ERC2: variants seen among roughly 807,000 people sequenced by gnomAD.
ERC2 encodes the protein ERC protein 2.
In ERC2, 42 loss-of-function variants were observed where a neutral mutation model predicts 114.8. The ratio of observed to expected loss-of-function variants is 0.37; its 90% CI spans 0.29 to 0.47. The LOEUF (loss-of-function observed/expected upper bound fraction) is 0.47, where lower values mean the gene tolerates loss of function less well. Among genes scored for constraint, ERC2 ranks in the 20% least tolerant of loss-of-function variants. The probability of loss-of-function intolerance (pLI) is 0.99; values close to 1 mark genes in which losing one functional copy is unlikely to be tolerated. For missense variants in ERC2, 939 were observed against 1,150.7 expected (o/e 0.82, Z 2.66); for synonymous variants, 454 against 425.5 (o/e 1.07, Z -0.82).
chr3:56,431,911 A>G (rs562917523), intron 2 of ERC2, among the ~76,000 whole-genome samples: 18 of 152,322 alleles, frequency 1.2e-4, no homozygotes, highest in African/African-American at 3.8e-4. Context: ...TCCTGTGATC[A>G]CAGTAAGACC....
chr3:56,138,814 T>C (rs1051226459), intron 6 of ERC2, among the ~76,000 whole-genome samples: 3 of 152,214 alleles, frequency 2.0e-5, no homozygotes, highest in African/African-American at 7.2e-5. Flanking sequence ...TTTGCATTTC[T>C]TAGCAGACCC....
intron 2 of ERC2, among the ~76,000 whole-genome samples, chr3:56,307,006 C>T (rs996217423): frequency 9.9e-5 from 15 of 152,238 alleles, no homozygotes; most frequent in African/African-American, 3.4e-4. Flanking sequence ...CAGCCATCCT[C>T]CTTCACCCTG....
At chr3:56,292,394 A>G (rs1015411617) in intron 3 of ERC2, among the ~76,000 whole-genome samples, 8 of 150,522 alleles carry the variant, frequency 5.3e-5, no homozygotes, top group Non-Finnish European at 1.0e-4. Context: ...CCTGGGCAAC[A>G]TGGTGAAACC....
intron 2 of ERC2, among the ~76,000 whole-genome samples, chr3:56,307,132 G>A (rs546350002): frequency 3.3e-5 from 5 of 152,320 alleles, no homozygotes; most frequent in African/African-American, 9.6e-5. Flanking sequence ...CCAAGGGCAG[G>A]GGGTGTAGGA....
intron 14 of ERC2, among the ~76,000 whole-genome samples, chr3:55,871,518 C>A (rs2062582405): frequency 6.6e-6 from 1 of 151,826 alleles, no homozygotes; most frequent in African/African-American, 2.4e-5. Flanking sequence ...ATAATGTGAC[C>A]AATGATCAGT....
At chr3:55,855,854 G>T (rs1419772936) in intron 14 of ERC2, among the ~76,000 whole-genome samples, 1 of 152,162 alleles carries the variant, frequency 6.6e-6, no homozygotes, top group Non-Finnish European at 1.5e-5. Context: ...CAAAAATTCT[G>T]CAGTAATTTA....
chr3:56,137,762 C>G (rs902015478), intron 6 of ERC2, among the ~76,000 whole-genome samples: 1 of 152,204 alleles, frequency 6.6e-6, no homozygotes, highest in Non-Finnish European at 1.5e-5. Flanking sequence ...GCTGTGCTGT[C>G]TAATACAGCA....
At chr3:56,400,189 T>C (rs2060469243) in intron 2 of ERC2, among the ~76,000 whole-genome samples, 1 of 152,088 alleles carries the variant, frequency 6.6e-6, no homozygotes, top group Admixed American at 6.6e-5. Context: ...ACTAAAACAT[T>C]TATGGAGGAA....
intron 6 of ERC2, among the ~76,000 whole-genome samples, chr3:56,097,468 TG>T (rs2078124579): frequency 6.6e-6 from 1 of 152,196 alleles, no homozygotes; most frequent in South Asian, 2.1e-4. Context: ...TGTTTCATCC[TG>T]CGAATTTTCT....
At chr3:55,533,680 G>C (rs545553280) in intron 17 of ERC2, among the ~76,000 whole-genome samples, 7 of 152,300 alleles carry the variant, frequency 4.6e-5, no homozygotes, top group Non-Finnish European at 8.8e-5. Flanking sequence ...GAGAGATCAG[G>C]ATGCCAGCAA....
intron 14 of ERC2, among the ~76,000 whole-genome samples, chr3:55,737,828 G>GC (rs2065732834): frequency 6.6e-6 from 1 of 152,032 alleles, no homozygotes. Context: ...ATAGTGACTA[G>GC]CTTTGAAAGA....
intron 6 of ERC2, among the ~76,000 whole-genome samples, chr3:56,088,575 A>G (rs73072555): frequency 0.13 from 20,284 of 152,054 alleles, 1,448 homozygotes; most frequent in East Asian, 0.15. Flanking sequence ...AAAAAGAGAG[A>G]AAGACAGACT....
intron 14 of ERC2, among the ~76,000 whole-genome samples, chr3:55,830,370 G>A (rs957559254): frequency 6.6e-6 from 1 of 152,170 alleles, no homozygotes; most frequent in South Asian, 2.1e-4. Flanking sequence ...ATTCAGAAAC[G>A]AAGGACATTC....
At chr3:56,046,954 T>C (rs1280450883) in intron 7 of ERC2, among the ~76,000 whole-genome samples, 1 of 152,212 alleles carries the variant, frequency 6.6e-6, no homozygotes, top group Admixed American at 6.5e-5. Context: ...CCCAGATTCA[T>C]TCCGCTAGTG....
At chr3:55,849,036 C>A (rs1160212207) in intron 14 of ERC2, among the ~76,000 whole-genome samples, 1 of 152,122 alleles carries the variant, frequency 6.6e-6, no homozygotes, top group African/African-American at 2.4e-5. Context: ...ACAGTGCCTG[C>A]CATCTGCCAG....
chr3:55,655,355 C>A (rs1152115), intron 17 of ERC2, among the ~76,000 whole-genome samples: 1 of 151,978 alleles, frequency 6.6e-6, no homozygotes. Context: ...AAACTCCTAC[C>A]TATTTCTGCC....
At chr3:55,924,839 A>T (rs564340728) in intron 13 of ERC2, among the ~76,000 whole-genome samples, 4 of 152,214 alleles carry the variant, frequency 2.6e-5, no homozygotes, top group Admixed American at 6.5e-5. Flanking sequence ...TAGGATTCAA[A>T]TCCATTCAAA....
At chr3:56,031,145 T>G (rs930263745) in intron 7 of ERC2, among the ~76,000 whole-genome samples, 1 of 152,084 alleles carries the variant, frequency 6.6e-6, no homozygotes, top group Non-Finnish European at 1.5e-5. Flanking sequence ...GCACCAGGCC[T>G]GCCCCAGCCC....
chr3:56,047,193 T>C (rs2075517472), intron 7 of ERC2, among the ~76,000 whole-genome samples: 1 of 152,244 alleles, frequency 6.6e-6, no homozygotes. Context: ...TCTTTTATTG[T>C]CCAAGGCAGC....
Sources: allele counts gnomAD v4.1 joint callset (sites outside exome capture counted in the v4.1 genomes callset), GRCh38; gene constraint gnomAD v4.1.1; transcripts MANE v1.5; gene names NCBI Gene and HGNC (gene_info 2026-07-23, HGNC 2026-07-21).